AGMO: variants seen among roughly 807,000 people sequenced by gnomAD.
The protein encoded by AGMO is alkylglycerol monooxygenase, also known as glyceryl-ether monooxygenase.
Under a neutral mutation model 60.2 loss-of-function variants are expected in AGMO, and 75 were observed. That is an observed-to-expected ratio of 1.25 (90% CI 1.03 to 1.51). The LOEUF (loss-of-function observed/expected upper bound fraction) is 1.51. Ranked by LOEUF, AGMO falls within the 40% of genes most tolerant of loss-of-function variation. The probability of loss-of-function intolerance (pLI) is 0.00; values close to 1 mark genes in which losing one functional copy is unlikely to be tolerated. For missense variants in AGMO, 763 were observed against 525.5 expected (o/e 1.45, Z -4.42); for synonymous variants, 261 against 177.1 (o/e 1.47, Z -3.76).
chr7:15,251,219 C>T (rs1782923954), intron 12 of AGMO, among the ~76,000 whole-genome samples: 1 of 152,022 alleles, frequency 6.6e-6, no homozygotes, highest in African/African-American at 2.4e-5. Context: ...CCATAGCTCA[C>T]AAATTAAGGA....
intron 3 of AGMO, among the ~76,000 whole-genome samples, chr7:15,473,108 T>C (rs1782491471): frequency 6.6e-6 from 1 of 151,964 alleles, no homozygotes; most frequent in African/African-American, 2.4e-5. Context: ...AATCAAAGAA[T>C]ACTATAAACA....
chr7:15,364,188 G>C (rs1017709044), intron 12 of AGMO, among the ~76,000 whole-genome samples: 2 of 151,760 alleles, frequency 1.3e-5, no homozygotes, highest in African/African-American at 4.8e-5. Context: ...AGGTATCAAA[G>C]AATATTAATA....
intron 3 of AGMO, among the ~76,000 whole-genome samples, chr7:15,534,690 A>G (rs1305994775): frequency 6.6e-6 from 1 of 151,888 alleles, no homozygotes; most frequent in Non-Finnish European, 1.5e-5. Flanking sequence ...CTAGCTTTGG[A>G]TTATGTTATA....
chr7:15,137,748 A>G, the AGMO span, among the ~76,000 whole-genome samples: 1 of 152,176 alleles, frequency 6.6e-6, no homozygotes, highest in Non-Finnish European at 1.5e-5. Flanking sequence ...CCCAGAACAA[A>G]TGTCACCATA....
chr7:15,258,423 T>C (rs908489721), intron 12 of AGMO, among the ~76,000 whole-genome samples: 1 of 151,994 alleles, frequency 6.6e-6, no homozygotes, highest in African/African-American at 2.4e-5. Context: ...CAGGCGCCTG[T>C]AGTCCCAGCT....
intron 10 of AGMO, among the ~76,000 whole-genome samples, chr7:15,380,218 A>T (rs932172342): frequency 7.2e-5 from 11 of 152,104 alleles, no homozygotes; most frequent in African/African-American, 2.4e-4. Flanking sequence ...AGGAGATCAA[A>T]CTATCCCTAT....
At chr7:15,496,506 T>C (rs780813040) in intron 3 of AGMO, among the ~76,000 whole-genome samples, 24 of 151,694 alleles carry the variant, frequency 1.6e-4, no homozygotes, top group Non-Finnish European at 2.5e-4. Context: ...TAGTGTCACC[T>C]GGCATTTTTT....
chr7:15,225,110 T>G (rs922660819), intron 12 of AGMO, among the ~76,000 whole-genome samples: 1 of 151,990 alleles, frequency 6.6e-6, no homozygotes, highest in African/African-American at 2.4e-5. Context: ...TAGTTCATGT[T>G]AAAATTATAC....
intron 12 of AGMO, among the ~76,000 whole-genome samples, chr7:15,220,206 G>A (rs1010958729): frequency 7.2e-6 from 1 of 138,242 alleles, no homozygotes; most frequent in African/African-American, 2.8e-5. Flanking sequence ...ACCTGACTGT[G>A]CCTTTTTTTT....
At chr7:15,258,570 T>TA (rs1217542451) in intron 12 of AGMO, among the ~76,000 whole-genome samples, 27 of 151,114 alleles carry the variant, frequency 1.8e-4, no homozygotes, top group Non-Finnish European at 1.5e-5. Context: ...AAAAATAAAA[T>TA]AAAAAAAGAA....
chr7:15,179,740 G>C, the AGMO span, among the ~76,000 whole-genome samples: 1 of 152,148 alleles, frequency 6.6e-6, no homozygotes, highest in Non-Finnish European at 1.5e-5. Flanking sequence ...GTTTCTGCCT[G>C]AATCCCCAGG....
chr7:15,390,112 C>G (rs1221654174), intron 8 of AGMO, among the ~76,000 whole-genome samples: 1 of 152,030 alleles, frequency 6.6e-6, no homozygotes, highest in Non-Finnish European at 1.5e-5. Flanking sequence ...ACAGACATTC[C>G]TGATTTCTCT....
At chr7:15,220,561 T>C (rs954424658) in intron 12 of AGMO, among the ~76,000 whole-genome samples, 4 of 151,942 alleles carry the variant, frequency 2.6e-5, no homozygotes, top group Non-Finnish European at 5.9e-5. Context: ...ATATGAATTG[T>C]TCCTATTTAA....
intron 3 of AGMO, among the ~76,000 whole-genome samples, chr7:15,457,404 T>C (rs981503422): frequency 1.3e-5 from 2 of 152,202 alleles, no homozygotes; most frequent in Admixed American, 1.3e-4. Flanking sequence ...AGTTTAACAA[T>C]TTTTCTGCAA....
intron 12 of AGMO, among the ~76,000 whole-genome samples, chr7:15,296,928 C>G (rs1288914280): frequency 2.0e-5 from 3 of 152,132 alleles, no homozygotes; most frequent in African/African-American, 7.2e-5. Flanking sequence ...TCCTAGGATC[C>G]TTCAGCTAGA....
chr7:15,242,697 A>C (rs1332359838), intron 12 of AGMO, among the ~76,000 whole-genome samples: 1 of 152,146 alleles, frequency 6.6e-6, no homozygotes, highest in African/African-American at 2.4e-5. Context: ...AAGGACCTAA[A>C]TATTTACATG....
intron 12 of AGMO, among the ~76,000 whole-genome samples, chr7:15,329,581 AG>A (rs1199411741): frequency 6.6e-6 from 1 of 152,232 alleles, no homozygotes; most frequent in Non-Finnish European, 1.5e-5. Context: ...GGAATAACCT[AG>A]GAACAAGCAG....
intron 12 of AGMO, among the ~76,000 whole-genome samples, chr7:15,277,830 C>A (rs2128517289): frequency 6.6e-6 from 1 of 152,260 alleles, no homozygotes; most frequent in Non-Finnish European, 1.5e-5. Context: ...AGTGCAGGCC[C>A]AGGTGGGGTC....
intron 12 of AGMO, among the ~76,000 whole-genome samples, chr7:15,293,547 A>AAAC (rs754006168): frequency 6.6e-6 from 1 of 152,172 alleles, no homozygotes; most frequent in African/African-American, 2.4e-5. Context: ...AAAAATGTTG[A>AAAC]AACAACAACA....
Sources: gnomAD v4.1 joint callset for allele counts (sites outside exome capture counted in the v4.1 genomes callset) on GRCh38, gnomAD v4.1.1 for gene constraint, MANE v1.5 for transcripts, NCBI Gene and HGNC (gene_info 2026-07-23, HGNC 2026-07-21) for gene names.